The following FAM186A variants were observed in gnomAD, a reference collection of about 807,000 sequenced individuals.
FAM186A encodes family with sequence similarity 186 member A.
Under a neutral mutation model 216.8 loss-of-function variants are expected in FAM186A, and 163 were observed. The observed-to-expected ratio is 0.75, with a 90% CI of 0.66 to 0.86. The LOEUF (loss-of-function observed/expected upper bound fraction) is 0.86. FAM186A is among the 40% of genes least tolerant of loss of function. The pLI is 0.00. For missense variants in FAM186A, 2,184 were observed against 2,746.2 expected (o/e 0.80, Z 4.58); for synonymous variants, 805 against 1,025.3 (o/e 0.79, Z 4.10).
chr12:50,346,220 G>GAGAGAGAAGGAAAGAAATAAA (rs1555215373), intron 4 of FAM186A, among the ~76,000 whole-genome samples: 1 of 46,744 alleles, frequency 2.1e-5, no homozygotes, highest in Non-Finnish European at 3.8e-5. Context: ...AGAGAGAGAA[G>GAGAGAGAAGGAAAGAAATAAA]GAAAGAAAGA....
At chr12:50,342,269 G>A (rs1942770709) in intron 4 of FAM186A, among the ~76,000 whole-genome samples, 1 of 151,332 alleles carries the variant, frequency 6.6e-6, no homozygotes, top group Admixed American at 6.6e-5. Flanking sequence ...TCATGCCACT[G>A]CACTCCAGCC....
intron 1 of FAM186A, among the ~76,000 whole-genome samples, chr12:50,387,691 C>A (rs572605527): frequency 1.3e-5 from 2 of 152,102 alleles, no homozygotes; most frequent in African/African-American, 4.8e-5. Context: ...TCTCCTTGGC[C>A]GGCACCACGT....
chr12:50,334,857 C>CAT (rs1461739719), intron 4 of FAM186A, among the ~76,000 whole-genome samples: 1 of 152,168 alleles, frequency 6.6e-6, no homozygotes, highest in East Asian at 1.9e-4. Flanking sequence ...AGACTTTAAT[C>CAT]CAGTTCCTAT....
At chr12:50,383,084 A>G (rs1431626587) in intron 1 of FAM186A, among the ~76,000 whole-genome samples, 1 of 151,088 alleles carries the variant, frequency 6.6e-6, no homozygotes, top group Non-Finnish European at 1.5e-5. Context: ...AACAACAACA[A>G]CAAAACAAAA....
At chr12:50,339,099 C>T (rs761825967) in intron 4 of FAM186A, among the ~76,000 whole-genome samples, 9 of 151,698 alleles carry the variant, frequency 5.9e-5, no homozygotes, top group Non-Finnish European at 1.0e-4. Flanking sequence ...ACTGCAACCT[C>T]AACCTCTCAG....
At chr12:50,373,069 AAGAAAGAG>A (rs1943164483) in intron 1 of FAM186A, among the ~76,000 whole-genome samples, 1 of 143,114 alleles carries the variant, frequency 7.0e-6, no homozygotes, top group Non-Finnish European at 1.5e-5. Context: ...GAAAGAAAGA[AAGAAAGAG>A]AAAAGAAAGA....
In FAM186A at chr12:50,367,639, C is replaced by G. The variant is rs1047376899; in HGVS notation, c.193-4275G>C. Among the ~76,000 whole-genome samples the G allele has an allele frequency of 2.6e-5, 4 of 151,512 alleles. No individual in the cohort carries two copies. In the South Asian group the frequency reaches 8.3e-4, roughly 32 times the overall value. ...GTAGAAACCCTACATATGTAGAAAACTCTATATATGTAGAAAGCCCTAAGG... is the reference window on the plus strand; with the variant it reads ...GTAGAAACCCTACATATGTAGAAAAGTCTATATATGTAGAAAGCCCTAAGG... On this transcript the variant is annotated intron_variant, in intron 1 of 7. Transcript: ENST00000327337.
In FAM186A at chr12:50,353,608, A is replaced by G. The variant is rs1351694162; in HGVS notation, c.3224T>C (p.Leu1075Pro). 6 of 1,529,774 alleles carry G rather than the reference A, an allele frequency of 3.9e-6. No homozygotes were observed. The highest frequency in any genetic ancestry group is 5.3e-6 in the Non-Finnish European group (6 of 1,137,960). 94.8% of individuals were successfully genotyped at this position (1,529,774 alleles called of 1,614,324 possible). A position where few individuals can be genotyped will look rare whatever the true frequency, so the allele number is the denominator to read the frequency against. Residue 1075 changes from leucine to proline, a missense_variant, in exon 4 of 8, where the codon CTC becomes CCC. Leu to Pro is a moderately conservative substitution (Grantham distance 98). Around this residue, in one of 7 missense-constraint regions of FAM186A, gnomAD observed 1,132 missense variants for 1,263.4 expected, o/e 0.90. Coordinates refer to ENST00000327337, the MANE Select transcript of FAM186A (RefSeq NM_001145475.3). Reference sequence around the variant, plus strand: ...CACTTCCTGGGCCTGCTGAGGTGTGAGATGAATGCATTTAGTGAGAGGCTG... The same window carrying G: ...CACTTCCTGGGCCTGCTGAGGTGTGGGATGAATGCATTTAGTGAGAGGCTG... Reference protein sequence around the residue: ...SGQPLTKCIHLTPQQAQEVGI... With the variant: ...SGQPLTKCIHPTPQQAQEVGI...
intron 1 of FAM186A, among the ~76,000 whole-genome samples, chr12:50,379,043 G>A (rs987291101): frequency 4.6e-5 from 7 of 152,174 alleles, no homozygotes; most frequent in Non-Finnish European, 7.4e-5. Context: ...AGTGGCTCAC[G>A]CCTGTAATCC....
At chr12:50,373,025 A>AAGAAAG (rs1242621416) in intron 1 of FAM186A, among the ~76,000 whole-genome samples, 1 of 147,162 alleles carries the variant, frequency 6.8e-6, no homozygotes, top group Non-Finnish European at 1.5e-5. Flanking sequence ...GAAAGAAAGA[A>AAGAAAG]AGAAAGAAAG....
rs1253479579 is a variant in FAM186A at position 50,363,179 on chromosome 12, A to G, written c.378T>C (p.Thr126=). 1.3e-6 allele frequency: 2 copies of G among 1,550,908 alleles called. No individual in the cohort carries two copies. The highest frequency in any genetic ancestry group is 8.7e-7 in the Non-Finnish European group (1 of 1,146,752). The part of the protein sequence containing the change: ...YAKTIEIREK[T]LANILAWLEE... ...CCAACCAGGCCAGAATGTTGGCAAG[A>G]GTCTTTTCTCTTATTTCAATAGTCT... Residue 126 remains threonine, a synonymous_variant, in exon 2 of 8, where the codon ACT becomes ACC. Transcript: ENST00000327337.
intron 1 of FAM186A, among the ~76,000 whole-genome samples, chr12:50,373,118 C>A (rs1943165851): frequency 9.7e-6 from 1 of 102,828 alleles, no homozygotes; most frequent in East Asian, 2.4e-4. Flanking sequence ...AAAAACTAGG[C>A]TGGGCAACGG....
At chr12:50,389,872 G>A (rs1269631016) in intron 1 of FAM186A, among the ~76,000 whole-genome samples, 1 of 152,154 alleles carries the variant, frequency 6.6e-6, no homozygotes, top group East Asian at 1.9e-4. Flanking sequence ...CACCACTAAG[G>A]AATCTTTGAA....
At position 50,355,418 on chromosome 12, in the gene FAM186A, A is replaced by G; in HGVS notation, c.1414T>C (p.Ser472Pro). ...TTATTATCACTCAGATTTGGTCCAG[A>G]GGTCTCATATACATATGTGGCTTTT... ...HKKATYVYET[S>P]GPNLSDNKSG... The change falls in exon 4 of 8, where the codon TCT (serine) becomes CCT (proline). Residue 472 changes from serine to proline, a missense_variant. Ser to Pro is a moderately conservative substitution (Grantham distance 74). Transcript: ENST00000327337. 2 of 1,551,398 alleles carry G rather than the reference A, an allele frequency of 1.3e-6. No homozygotes were observed. The highest frequency in any genetic ancestry group is 1.7e-6 in the Non-Finnish European group (2 of 1,146,980).
intron 4 of FAM186A, among the ~76,000 whole-genome samples, chr12:50,342,779 T>TC (rs1942777852): frequency 6.6e-6 from 1 of 151,428 alleles, no homozygotes; most frequent in Non-Finnish European, 1.5e-5. Context: ...GACCTTTTTT[T>TC]TTTTTGAGAC....
chr12:50,338,132 A>G (rs530416843), intron 4 of FAM186A, among the ~76,000 whole-genome samples: 1 of 152,316 alleles, frequency 6.6e-6, no homozygotes, highest in African/African-American at 2.4e-5. Flanking sequence ...TACTATGGTA[A>G]TACTACTACT....
intron 4 of FAM186A, among the ~76,000 whole-genome samples, chr12:50,346,516 C>G (rs188088866): frequency 6.6e-6 from 1 of 152,110 alleles, no homozygotes; most frequent in Non-Finnish European, 1.5e-5. Flanking sequence ...CATGAGCCAC[C>G]GCACCCAGCC....
intron 1 of FAM186A, among the ~76,000 whole-genome samples, chr12:50,374,050 A>G (rs1025535718): frequency 6.6e-6 from 1 of 151,270 alleles, no homozygotes; most frequent in African/African-American, 2.4e-5. Context: ...CTATCGCAAG[A>G]ACAAAAAACC....
At chr12:50,378,454 C>G (rs1206196884) in intron 1 of FAM186A, among the ~76,000 whole-genome samples, 1 of 151,136 alleles carries the variant, frequency 6.6e-6, no homozygotes, top group Non-Finnish European at 1.5e-5. Context: ...CGTTTGAACC[C>G]CAGGAGCAGA....
Sources: gnomAD v4.1 joint callset for allele counts (sites outside exome capture counted in the v4.1 genomes callset) on GRCh38, gnomAD v4.1.1 for gene constraint, gnomAD v4.1.1 regional missense constraint, MANE v1.5 for transcripts, NCBI Gene and HGNC (gene_info 2026-07-23, HGNC 2026-07-21) for gene names.